PLXDC2: variants seen among roughly 807,000 people sequenced by gnomAD.
The protein encoded by PLXDC2 is plexin domain-containing protein 2.
In PLXDC2, 40 loss-of-function variants were observed where a neutral mutation model predicts 68.9. The ratio of observed to expected loss-of-function variants is 0.58; its 90% confidence interval spans 0.45 to 0.76. The LOEUF (loss-of-function observed/expected upper bound fraction) is 0.76, where lower values mean the gene tolerates loss of function less well. Ranked by LOEUF, PLXDC2 falls within the 30% of genes least tolerant of loss-of-function variation. PLXDC2 has a pLI of 0.00. For missense variants in PLXDC2, 644 were observed against 661.9 expected (o/e 0.97, Z 0.30); for synonymous variants, 243 against 234.2 (o/e 1.04, Z -0.34).
chr10:20,199,903 A>G (rs1589677394), intron 9 of PLXDC2, among the ~76,000 whole-genome samples: 1 of 151,990 alleles, frequency 6.6e-6, no homozygotes, highest in Admixed American at 6.6e-5. Context: ...GGGAAAAAAA[A>G]TATGTATTTT....
intron 3 of PLXDC2, among the ~76,000 whole-genome samples, chr10:20,057,011 C>T (rs1836009768): frequency 6.6e-6 from 1 of 152,142 alleles, no homozygotes. Context: ...GTGCAATAAA[C>T]AAGGCAGGTA....
intron 7 of PLXDC2, among the ~76,000 whole-genome samples, chr10:20,172,064 A>T (rs76461038): frequency 0.012 from 1,863 of 152,198 alleles, 42 homozygotes; most frequent in African/African-American, 0.043. Context: ...TATCCATGTA[A>T]CAAAATTGCA....
chr10:20,065,224 C>G (rs1836183999), intron 3 of PLXDC2, among the ~76,000 whole-genome samples: 1 of 152,106 alleles, frequency 6.6e-6, no homozygotes, highest in African/African-American at 2.4e-5. Flanking sequence ...CAGACAAGAG[C>G]TAAGGGTAGC....
At chr10:19,848,460 G>A (rs1030220551) in intron 1 of PLXDC2, among the ~76,000 whole-genome samples, 3 of 152,136 alleles carry the variant, frequency 2.0e-5, no homozygotes, top group Non-Finnish European at 2.9e-5. Context: ...TCTTGACGCA[G>A]GAGGCATCCA....
At chr10:19,936,937 A>G (rs1465702706) in intron 1 of PLXDC2, among the ~76,000 whole-genome samples, 1 of 152,218 alleles carries the variant, frequency 6.6e-6, no homozygotes, top group Admixed American at 6.5e-5. Flanking sequence ...ATGGTCTTCT[A>G]AAATATTCCA....
intron 6 of PLXDC2, among the ~76,000 whole-genome samples, chr10:20,155,163 T>C (rs2131805279): frequency 6.6e-6 from 1 of 152,308 alleles, no homozygotes; most frequent in Non-Finnish European, 1.5e-5. Flanking sequence ...TCAATGGGGC[T>C]CTTAATGCAT....
chr10:19,851,423 T>C (rs565004290), intron 1 of PLXDC2, among the ~76,000 whole-genome samples: 1 of 152,308 alleles, frequency 6.6e-6, no homozygotes, highest in African/African-American at 2.4e-5. Context: ...TCCTCACATG[T>C]TTTAGTACCT....
chr10:20,252,085 A>T (rs11011910), intron 13 of PLXDC2, among the ~76,000 whole-genome samples: 1 of 151,994 alleles, frequency 6.6e-6, no homozygotes, highest in African/African-American at 2.4e-5. Flanking sequence ...TATAGGAACA[A>T]TGGCCCTTGT....
At chr10:20,093,236 A>G (rs1366922908) in intron 4 of PLXDC2, among the ~76,000 whole-genome samples, 2 of 152,310 alleles carry the variant, frequency 1.3e-5, no homozygotes, top group South Asian at 2.1e-4. Flanking sequence ...ATAAATCACC[A>G]TAATATTTAT....
At chr10:20,253,371 A>G (rs1835703774) in intron 13 of PLXDC2, among the ~76,000 whole-genome samples, 1 of 32,206 alleles carries the variant, frequency 3.1e-5, no homozygotes, top group Non-Finnish European at 9.0e-5. Context: ...TCTCAAAATG[A>G]TAATAATAAT....
rs116557505 is a variant in PLXDC2, at chr10:19,888,800, C to T, written c.112+71609C>T. On this transcript the variant is annotated intron_variant, in intron 1 of 13. Coordinates refer to ENST00000377252, the MANE Select transcript of PLXDC2 (RefSeq NM_032812.9). ...GAGGCTGGTAAAATCAAGGAAAGCA[C>T]GGTTACTAAAAAATGTCATTAAAAA... 3.5e-3 allele frequency among the ~76,000 whole-genome samples: 537 copies of T among 151,768 alleles called. 4 individuals carry two copies. The highest frequency in any genetic ancestry group is 0.013 in the African/African-American group (521 of 41,354).
intron 4 of PLXDC2, among the ~76,000 whole-genome samples, chr10:20,120,355 C>T (rs193290663): frequency 9.9e-5 from 15 of 152,214 alleles, no homozygotes; most frequent in Middle Eastern, 3.4e-3. Context: ...GGTGGCTGAG[C>T]TTGGTGAGGT....
intron 1 of PLXDC2, among the ~76,000 whole-genome samples, chr10:19,901,035 A>G (rs1838151175): frequency 6.6e-6 from 1 of 151,570 alleles, no homozygotes; most frequent in African/African-American, 2.4e-5. Flanking sequence ...ATATATATAT[A>G]CACATATATA....
intron 4 of PLXDC2, among the ~76,000 whole-genome samples, chr10:20,072,378 A>G (rs72791873): frequency 0.1 from 14,877 of 148,076 alleles, 957 homozygotes; most frequent in South Asian, 0.29. Flanking sequence ...CAAAAAAAAT[A>G]AAGAGAGAAA....
intron 1 of PLXDC2, among the ~76,000 whole-genome samples, chr10:19,976,670 T>C (rs1834461744): frequency 6.6e-6 from 1 of 152,148 alleles, no homozygotes; most frequent in Non-Finnish European, 1.5e-5. Flanking sequence ...GTTCTATCAG[T>C]CTGGAAACTC....
At chr10:20,185,826 C>A (rs1831906504) in intron 9 of PLXDC2, among the ~76,000 whole-genome samples, 1 of 151,870 alleles carries the variant, frequency 6.6e-6, no homozygotes, top group African/African-American at 2.4e-5. Context: ...GAGCCCGGTT[C>A]TAAAATTAAT....
intron 4 of PLXDC2, among the ~76,000 whole-genome samples, chr10:20,140,401 T>TATAA (rs775079514): frequency 2.4e-4 from 17 of 71,552 alleles, no homozygotes; most frequent in Admixed American, 1.2e-3. Context: ...TATATATATA[T>TATAA]AAAATATCTA....
At chr10:19,861,572 C>G (rs1024318909) in intron 1 of PLXDC2, among the ~76,000 whole-genome samples, 1 of 152,180 alleles carries the variant, frequency 6.6e-6, no homozygotes, top group Non-Finnish European at 1.5e-5. Context: ...TCAGCTTCCC[C>G]TAAATGAGTT....
At chr10:20,189,815 A>G (rs1348983744) in intron 9 of PLXDC2, among the ~76,000 whole-genome samples, 2 of 151,336 alleles carry the variant, frequency 1.3e-5, no homozygotes, top group Non-Finnish European at 3.0e-5. Flanking sequence ...TTAATAATCT[A>G]TTTTGCATTT....
Sources: gnomAD v4.1 joint callset for allele counts (sites outside exome capture counted in the v4.1 genomes callset) on GRCh38, gnomAD v4.1.1 for gene constraint, MANE v1.5 for transcripts, NCBI Gene and HGNC (gene_info 2026-07-23, HGNC 2026-07-21) for gene names.